The following SNX4 variants were observed in gnomAD, a reference collection of about 807,000 sequenced individuals.
SNX4 encodes the protein sorting nexin 4.
In SNX4, 49 loss-of-function variants were observed where a neutral mutation model predicts 70.8. The ratio of observed to expected loss-of-function variants is 0.69; its 90% CI spans 0.55 to 0.88. The LOEUF (loss-of-function observed/expected upper bound fraction) is 0.88, where lower values mean the gene tolerates loss of function less well. Among genes scored for constraint, SNX4 ranks in the 40% least tolerant of loss-of-function variants. SNX4 has a pLI of 0.00. For synonymous variants in SNX4, 206 were observed against 183.8 expected (o/e 1.12, Z -0.98); for missense variants, 528 against 544.8 (o/e 0.97, Z 0.31).
intron 5 of SNX4, among the ~76,000 whole-genome samples, chr3:125,490,416 G>T (rs28678790): frequency 6.7e-6 from 1 of 148,744 alleles, no homozygotes; most frequent in Non-Finnish European, 1.5e-5. Context: ...CAGCTACTCC[G>T]GAGAGGCTGA....
intron 1 of SNX4, among the ~76,000 whole-genome samples, chr3:125,512,052 AT>A (rs1198118873): frequency 3.3e-5 from 5 of 152,212 alleles, no homozygotes; most frequent in Admixed American, 3.3e-4. Context: ...TCCTCAAGGC[AT>A]TTTTATAAAA....
At chr3:125,498,358 C>T (rs112292369) in intron 2 of SNX4, among the ~76,000 whole-genome samples, 164 bp from the exon 3 acceptor site, 9 of 152,150 alleles carry the variant, frequency 5.9e-5, no homozygotes, top group African/African-American at 1.9e-4. Context: ...GTCCCACTGT[C>T]GCTCAGGTTG....
intron 1 of SNX4, among the ~76,000 whole-genome samples, chr3:125,519,119 G>T (rs983282114): frequency 6.6e-6 from 1 of 152,086 alleles, no homozygotes; most frequent in African/African-American, 2.4e-5. Flanking sequence ...TGAGCCTGGG[G>T]GGTCGAGGGT....
chr3:125,499,195 ACT>A (rs960024035), intron 2 of SNX4, among the ~76,000 whole-genome samples: 8 of 152,204 alleles, frequency 5.3e-5, no homozygotes, highest in African/African-American at 1.7e-4. Context: ...TATTTTGACT[ACT>A]TAGGATTTCT....
chr3:125,462,009 T>A (rs182256209), intron 9 of SNX4, among the ~76,000 whole-genome samples: 1 of 152,304 alleles, frequency 6.6e-6, no homozygotes, highest in East Asian at 1.9e-4. Context: ...TCCCTCAATG[T>A]CATCCCAGTT....
At chr3:125,505,576 CA>C (rs1182474843) in intron 1 of SNX4, among the ~76,000 whole-genome samples, 2 of 152,094 alleles carry the variant, frequency 1.3e-5, no homozygotes, top group Non-Finnish European at 2.9e-5. Flanking sequence ...CCAGGGTAGG[CA>C]AAAAGGGCCT....
At chr3:125,448,901 T>A (rs1579967180) in intron 13 of SNX4, among the ~76,000 whole-genome samples, 1 of 151,838 alleles carries the variant, frequency 6.6e-6, no homozygotes, top group African/African-American at 2.4e-5. Context: ...ATGGTGTCGA[T>A]CTCCTGACCT....
At chr3:125,481,037 A>T (rs1579991223) in intron 6 of SNX4, among the ~76,000 whole-genome samples, 1 of 151,960 alleles carries the variant, frequency 6.6e-6, no homozygotes, top group Non-Finnish European at 1.5e-5. Flanking sequence ...TTGACAACAC[A>T]CCCAGCTATT....
At chr3:125,508,156 T>C (rs541546799) in intron 1 of SNX4, among the ~76,000 whole-genome samples, 2 of 152,320 alleles carry the variant, frequency 1.3e-5, no homozygotes, top group African/African-American at 4.8e-5. Flanking sequence ...ATATATTCGA[T>C]GCAAACCCTA....
At chr3:125,508,384 G>A (rs530507346) in intron 1 of SNX4, among the ~76,000 whole-genome samples, 122 of 152,150 alleles carry the variant, frequency 8.0e-4, no homozygotes, top group African/African-American at 2.6e-3. Context: ...TGGCTAACAC[G>A]GTGAAACCCC....
intron 7 of SNX4, among the ~76,000 whole-genome samples, chr3:125,479,269 T>G (rs187482964): frequency 2.0e-5 from 3 of 152,204 alleles, no homozygotes; most frequent in Non-Finnish European, 1.5e-5. Context: ...TCAAGAGGAT[T>G]CTGGCCAGGC....
intron 5 of SNX4, among the ~76,000 whole-genome samples, chr3:125,496,218 CAGG>C (rs1293312499): frequency 6.6e-6 from 1 of 152,122 alleles, no homozygotes; most frequent in Non-Finnish European, 1.5e-5. Context: ...CGCTTGAGTC[CAGG>C]AGTTCAAGGC....
rs552983340 is a variant in SNX4 at position 125,474,425 on chromosome 3, C to T, written c.788+2270G>A. On this transcript the variant is annotated intron_variant, in intron 8 of 13. Coordinates refer to ENST00000251775, the MANE Select transcript of SNX4 (RefSeq NM_003794.4). ...CTTGAACTCCTGGGCTCAAGTGTTC[C>T]TCCCATCTTAGCCTCCCAAGCAGCT... 1.1e-3 allele frequency among the ~76,000 whole-genome samples: 173 copies of T among 152,230 alleles called. 1 individual carries two copies. Among genetic ancestry groups the T allele is most frequent in the Non-Finnish European group, 1.8e-3 (122 of 68,012 alleles).
chr3:125,483,527 G>A (rs1934461830), intron 6 of SNX4, among the ~76,000 whole-genome samples: 1 of 152,222 alleles, frequency 6.6e-6, no homozygotes, highest in Non-Finnish European at 1.5e-5. Flanking sequence ...ATTAGGTGAA[G>A]CAGAGGTTTC....
At chr3:125,517,268 A>G (rs1275470214) in intron 1 of SNX4, among the ~76,000 whole-genome samples, 2 of 152,206 alleles carry the variant, frequency 1.3e-5, no homozygotes, top group South Asian at 4.1e-4. Flanking sequence ...GCTTGTGACC[A>G]TGGTCAAATT....
chr3:125,495,731 T>C (rs1934779609), intron 5 of SNX4, among the ~76,000 whole-genome samples: 2 of 152,174 alleles, frequency 1.3e-5, no homozygotes, highest in African/African-American at 4.8e-5. Context: ...CAAAAACTGA[T>C]AACTATTAAC....
chr3:125,469,309 C>A, intron 9 of SNX4, 145 bp downstream of exon 9: 3 of 478,340 alleles, frequency 6.3e-6, no homozygotes, highest in Non-Finnish European at 7.5e-6. Context: ...CTTTGCATTC[C>A]TGAGATAAAT....
Position 125,447,314 on chromosome 3 carries a change from G to T in SNX4, c.*465C>A, listed in dbSNP as rs1296821687. The T allele has an allele frequency of 6.5e-6, 1 of 152,864 alleles. No homozygotes were observed. The highest frequency in any genetic ancestry group is 1.5e-5 in the Non-Finnish European group (1 of 68,242). 9.5% of individuals were successfully genotyped at this position (152,864 alleles called of 1,614,324 possible). ...ATTTTTCACATCAAGTTTCTGCTGAGCTTTGTCAAACCAAATAGCTCAACT... is the reference window on the plus strand; with the variant it reads ...ATTTTTCACATCAAGTTTCTGCTGATCTTTGTCAAACCAAATAGCTCAACT... On this transcript the variant is annotated 3_prime_UTR_variant, in exon 14 of 14. Coordinates refer to ENST00000251775, the MANE Select transcript of SNX4 (RefSeq NM_003794.4).
At chr3:125,491,410 C>G (rs1934656777) in intron 5 of SNX4, among the ~76,000 whole-genome samples, 1 of 152,128 alleles carries the variant, frequency 6.6e-6, no homozygotes, top group South Asian at 2.1e-4. Context: ...TTTCTTGAAT[C>G]TCATGCTTTT....
Sources: allele counts gnomAD v4.1 joint callset (sites outside exome capture counted in the v4.1 genomes callset), GRCh38; gene constraint gnomAD v4.1.1; transcripts MANE v1.5; gene names NCBI Gene and HGNC (gene_info 2026-07-23, HGNC 2026-07-21).